Variants in TCERG1 observed in about 807,000 individuals in gnomAD.
TCERG1 encodes TATA box binding protein (TBP)-associated factor, RNA polymerase II, S, 150kD.
A neutral mutation model predicts 144.7 loss-of-function variants in TCERG1; 37 were observed. That is an observed-to-expected ratio of 0.26 (90% CI 0.20 to 0.34). The LOEUF (loss-of-function observed/expected upper bound fraction) is 0.34, where lower values mean the gene tolerates loss of function less well. Among genes scored for constraint, TCERG1 ranks in the 10% least tolerant of loss-of-function variants. The pLI is 1.00. For missense variants in TCERG1, 1,027 were observed against 1,380.7 expected (o/e 0.74, Z 4.06); for synonymous variants, 492 against 458.2 (o/e 1.07, Z -0.94).
chr5:146,498,222 C>T (rs187984599), intron 16 of TCERG1, among the ~76,000 whole-genome samples: 6 of 151,824 alleles, frequency 4.0e-5, no homozygotes, highest in South Asian at 4.2e-4. Context: ...TTAGCTTCAT[C>T]GCAGAGTGGA....
chr5:146,493,669 A>G (rs1766624472), intron 16 of TCERG1, among the ~76,000 whole-genome samples: 1 of 152,104 alleles, frequency 6.6e-6, no homozygotes, highest in Non-Finnish European at 1.5e-5. Flanking sequence ...TCTTCAGAAC[A>G]GGTAGTTTGA....
intron 19 of TCERG1, among the ~76,000 whole-genome samples, chr5:146,506,536 G>C (rs1468083308): frequency 6.6e-6 from 1 of 152,126 alleles, no homozygotes; most frequent in East Asian, 1.9e-4. Context: ...TTTACTCTCA[G>C]TTATTTTGAA....
In TCERG1 at chr5:146,510,763, A is replaced by C. The variant is rs960786590; in HGVS notation, c.*121A>C. 64 of 923,830 alleles carry C rather than the reference A, an allele frequency of 6.9e-5. No individual in the cohort carries two copies. The highest frequency in any genetic ancestry group is 9.7e-5 in the Non-Finnish European group (62 of 640,142). The allele number at this position is 923,830 out of a possible 1,614,324, so 57.2% of individuals were successfully genotyped here. ...AAACCATCTGACAAACAGAAGGAGA[A>C]GCATTTGTGAACAGTTTCTGAACAG... On this transcript the variant is annotated 3_prime_UTR_variant, in exon 23 of 23. Transcript: ENST00000679501.
At chr5:146,461,412 T>C (rs1581404877) in intron 4 of TCERG1, among the ~76,000 whole-genome samples, 1 of 152,302 alleles carries the variant, frequency 6.6e-6, no homozygotes, top group South Asian at 2.1e-4. Flanking sequence ...TGGGTTAGTA[T>C]ATTTTGAGGC....
chr5:146,509,136 T>TTA lies in TCERG1; in HGVS notation c.3046-9_3046-8insTA. ...TCCATAATCTCAACTTTTTTTTTTT[T>TTA]ATTAACAGAAAAAACAAAGAGAATT... On this transcript the variant is annotated splice_polypyrimidine_tract_variant and intron_variant, in intron 21 of 22. Coordinates refer to ENST00000679501, the MANE Select transcript of TCERG1 (RefSeq NM_001382548.1). The TTA allele has an allele frequency of 6.5e-7, 1 of 1,530,002 alleles. No homozygotes were observed. Among genetic ancestry groups the TTA allele is most frequent in the Admixed American group, 2.1e-5 (1 of 46,866 alleles). 94.8% of individuals were successfully genotyped at this position (1,530,002 alleles called of 1,614,324 possible). A position where few individuals can be genotyped will look rare whatever the true frequency, so the allele number is the denominator to read the frequency against.
chr5:146,453,743 G>A (rs1428368090), intron 1 of TCERG1, among the ~76,000 whole-genome samples: 1 of 150,000 alleles, frequency 6.7e-6, no homozygotes, highest in South Asian at 2.1e-4. Flanking sequence ...TTCAAGACCA[G>A]CCTTGCCAAC....
chr5:146,486,523 AAAATAAGTTCTCTCTT>A (rs1765847187), intron 15 of TCERG1, among the ~76,000 whole-genome samples: 2 of 152,250 alleles, frequency 1.3e-5, no homozygotes, highest in Non-Finnish European at 2.9e-5. Flanking sequence ...TTAACACTTT[AAAATAAGTTCTCTCTT>A]ATCTTATTTC....
intron 16 of TCERG1, among the ~76,000 whole-genome samples, chr5:146,496,331 C>T (rs1008485345): frequency 1.3e-5 from 2 of 151,898 alleles, no homozygotes; most frequent in African/African-American, 4.8e-5. Context: ...ATTTTTTCTG[C>T]CCTAATTCAT....
Position 146,510,725 on chromosome 5 carries a change from T to G in TCERG1, c.*83T>G. 1.5e-6 allele frequency: 2 copies of G among 1,349,978 alleles called. No individual in the cohort carries two copies. The highest frequency in any genetic ancestry group is 2.0e-6 in the Non-Finnish European group (2 of 989,590). The allele number at this position is 1,349,978 out of a possible 1,614,324, so 83.6% of individuals were successfully genotyped here. A position where few individuals can be genotyped will look rare whatever the true frequency, so the allele number is the denominator to read the frequency against. On this transcript the variant is annotated 3_prime_UTR_variant, in exon 23 of 23. Transcript: ENST00000679501. ...AGGTTTTTACATATATGTGCATTAG[T>G]CAACCTATTGCGAAACCATCTGACA...
At chr5:146,463,924 G>A (rs970660376) in intron 5 of TCERG1, 131 bp downstream of exon 5, 1 of 1,250,190 alleles carries the variant, frequency 8.0e-7, no homozygotes, top group Admixed American at 2.2e-5. Flanking sequence ...AAAGATTCAT[G>A]GCTAACTGCA....
Position 146,510,712 on chromosome 5 carries a change from A to AT in TCERG1, c.*71dup. Reference sequence around the variant, plus strand: ...TGAGCCAATTTTCAGGTTTTTACATATATGTGCATTAGTCAACCTATTGCG... The same window carrying AT: ...TGAGCCAATTTTCAGGTTTTTACATATTATGTGCATTAGTCAACCTATTGCG... On this transcript the variant is annotated 3_prime_UTR_variant, in exon 23 of 23. Transcript: ENST00000679501. 6.7e-7 allele frequency: 1 copy of AT among 1,488,284 alleles called. No homozygotes were observed. The highest frequency in any genetic ancestry group is 2.1e-5 in the Admixed American group (1 of 48,756). 92.2% of individuals were successfully genotyped at this position (1,488,284 alleles called of 1,614,324 possible).
chr5:146,510,786 C>A lies in TCERG1; in HGVS notation c.*144C>A. 1.5e-6 allele frequency: 1 copy of A among 685,244 alleles called. No individual in the cohort carries two copies. Among genetic ancestry groups the A allele is most frequent in the Non-Finnish European group, 2.2e-6 (1 of 444,950 alleles). 42.4% of individuals were successfully genotyped at this position (685,244 alleles called of 1,614,324 possible). A position where few individuals can be genotyped will look rare whatever the true frequency, so the allele number is the denominator to read the frequency against. On this transcript the variant is annotated 3_prime_UTR_variant, in exon 23 of 23. Transcript: ENST00000679501. ...GAAGCATTTGTGAACAGTTTCTGAA[C>A]AGAACACTTTGGAAATATTTATGCT... is the stretch of plus-strand genomic sequence containing the variant.
rs372937697 is a variant in TCERG1 at position 146,501,934 on chromosome 5, G to A, written c.2434-1441G>A. Among the ~76,000 whole-genome samples, 39 of 88,136 alleles carry A rather than the reference G, an allele frequency of 4.4e-4. 1 individual carries two copies. The South Asian group carries it at 0.013, about 30-fold the overall frequency. The allele number at this position is 88,136 out of a possible 152,430, so 57.8% of individuals were successfully genotyped here. A position where few individuals can be genotyped will look rare whatever the true frequency, so the allele number is the denominator to read the frequency against. ...TTTTTGAGATGGAGTTTTGCTTGTT[G>A]CCCAGGCTGGAGTGCAATGGTGCAG... On this transcript the variant is annotated intron_variant, in intron 17 of 22. Transcript: ENST00000679501.
intron 15 of TCERG1, among the ~76,000 whole-genome samples, chr5:146,490,353 C>T (rs990438105): frequency 1.3e-5 from 2 of 152,170 alleles, no homozygotes; most frequent in Admixed American, 1.3e-4. Flanking sequence ...TAAAGATGTT[C>T]ATAGAGCTGT....
intron 9 of TCERG1, among the ~76,000 whole-genome samples, chr5:146,474,132 A>G (rs965117515): frequency 3.3e-5 from 5 of 152,190 alleles, no homozygotes; most frequent in Non-Finnish European, 5.9e-5. Flanking sequence ...ACAATTCACC[A>G]TTGTAGATGC....
intron 5 of TCERG1, among the ~76,000 whole-genome samples, chr5:146,465,845 A>G (rs1763732628): frequency 6.6e-6 from 1 of 152,116 alleles, no homozygotes; most frequent in Non-Finnish European, 1.5e-5. Flanking sequence ...TAGCCTCAAC[A>G]TGGAGAAACC....
chr5:146,471,412 G>A, intron 8 of TCERG1, 76 bp from the exon 9 acceptor site: 2 of 1,352,582 alleles, frequency 1.5e-6, no homozygotes, highest in Non-Finnish European at 2.0e-6. Flanking sequence ...ACTTTGAGCT[G>A]TTTGCCTTCA....
At chr5:146,466,760 G>C (rs550596811) in intron 5 of TCERG1, among the ~76,000 whole-genome samples, 3 of 152,146 alleles carry the variant, frequency 2.0e-5, no homozygotes, top group African/African-American at 7.2e-5. Context: ...AGAGTTCTGC[G>C]AGCCCAACTG....
chr5:146,468,510 T>G, intron 6 of TCERG1, 107 bp downstream of exon 6: 1 of 1,015,618 alleles, frequency 9.8e-7, no homozygotes, highest in South Asian at 1.8e-5. Flanking sequence ...TGGATATTTT[T>G]ATATTTTTCT....
Sources: gnomAD v4.1 joint callset for allele counts (sites outside exome capture counted in the v4.1 genomes callset) on GRCh38, gnomAD v4.1.1 for gene constraint, MANE v1.5 for transcripts, NCBI Gene and HGNC (gene_info 2026-07-23, HGNC 2026-07-21) for gene names.